DFFA: variants seen among roughly 807,000 people sequenced by gnomAD.
The protein encoded by DFFA is DFF45.
Under a neutral mutation model 28.0 loss-of-function variants are expected in DFFA, and 14 were observed. The observed-to-expected ratio is 0.50, with a 90% CI of 0.33 to 0.78. The LOEUF (loss-of-function observed/expected upper bound fraction) is 0.78. Among genes scored for constraint, DFFA ranks in the 30% least tolerant of loss-of-function variants. The pLI, the probability that DFFA is intolerant of heterozygous loss-of-function variation, is 0.02. For missense variants in DFFA, 395 were observed against 407.1 expected, an observed-to-expected ratio of 0.97 and a Z score of 0.26; for synonymous variants, 158 against 170.3, an observed-to-expected ratio of 0.93 and a Z score of 0.56.
chr1:10,465,226 C>A (rs1385838109), intron 3 of DFFA, among the ~76,000 whole-genome samples: 1 of 152,204 alleles, frequency 6.6e-6, no homozygotes, highest in Non-Finnish European at 1.5e-5. Flanking sequence ...TCCTGAGTAG[C>A]TGGGACTACA....
At chr1:10,465,729 C>G (rs1641013022) in intron 3 of DFFA, among the ~76,000 whole-genome samples, 2 of 152,064 alleles carry the variant, frequency 1.3e-5, no homozygotes. Flanking sequence ...CAGGGTCTTG[C>G]TTTGTTGCCC....
rs11121572 is a variant in DFFA at position 10,457,216 on chromosome 1, T to C, written c.*4274A>G. 46,766 of 152,192 alleles carry C rather than the reference T, an allele frequency of 0.31. 8,346 individuals carry two copies. Among genetic ancestry groups the C allele is most frequent in the South Asian group, 0.4 (1,936 of 4,812 alleles). The allele number at this position is 152,192 out of a possible 1,614,324, so 9.4% of individuals were successfully genotyped here. ...AGTGCAGTGGCACGATCACAGCTCA[T>C]TGTAGCCTCGAACTCCTGGGCTCAA... On this transcript the variant is annotated 3_prime_UTR_variant, in exon 6 of 6. Transcript: ENST00000377038.
intron 4 of DFFA, 105 bp downstream of exon 4, chr1:10,463,326 G>T: frequency 6.5e-7 from 1 of 1,544,920 alleles, no homozygotes. Flanking sequence ...CATCCCAGCA[G>T]CCGCGGCTTC....
Position 10,461,489 on chromosome 1 carries a change from G to A in DFFA, c.*1C>T. ...CTTCCTTGGCACACTTCCCGCTGCT[G>A]CTATGTGGGATCCTGTCTGGCTCGC... On this transcript the variant is annotated 3_prime_UTR_variant, in exon 6 of 6. Transcript: ENST00000377038. 6.2e-7 allele frequency: 1 copy of A among 1,613,332 alleles called. No individual in the cohort carries two copies. The highest frequency in any genetic ancestry group is 8.5e-7 in the Non-Finnish European group (1 of 1,179,626).
chr1:10,461,468 C>G lies in DFFA; in HGVS notation c.*22G>C. 1 of 1,606,930 alleles carries G rather than the reference C, an allele frequency of 6.2e-7. No homozygotes were observed. Among genetic ancestry groups the G allele is most frequent in the Non-Finnish European group, 8.5e-7 (1 of 1,176,276 alleles). Reference sequence around the variant, plus strand: ...CAATAACACAACGCCACAGAGCTTCCTTGGCACACTTCCCGCTGCTGCTAT... The same window carrying G: ...CAATAACACAACGCCACAGAGCTTCGTTGGCACACTTCCCGCTGCTGCTAT... On this transcript the variant is annotated 3_prime_UTR_variant, in exon 6 of 6. Transcript: ENST00000377038.
rs1436192143 is a variant in DFFA at position 10,472,307 on chromosome 1, G to A, written c.136+16C>T. ...CCCTGGCTCCCCCACACCCTCGCCCGGGGTCCCGAGCCAACCCTTGCTCCT... is the reference window on the plus strand; with the variant it reads ...CCCTGGCTCCCCCACACCCTCGCCCAGGGTCCCGAGCCAACCCTTGCTCCT... On this transcript the variant is annotated intron_variant, in intron 1 of 5. Transcript: ENST00000377038. The surrounding 1 kb of genome is among the most constrained non-coding windows in gnomAD (Gnocchi z 5.0). The A allele has an allele frequency of 9.6e-6, 15 of 1,563,132 alleles. No individual in the cohort carries two copies. The highest frequency in any genetic ancestry group is 9.6e-6 in the Non-Finnish European group (11 of 1,149,178).
chr1:10,470,426 T>C (rs909042882), intron 1 of DFFA, among the ~76,000 whole-genome samples: 5 of 146,310 alleles, frequency 3.4e-5, no homozygotes, highest in African/African-American at 1.0e-4. Context: ...TTTCCTCTTT[T>C]TTTTTTTTTT....
intron 3 of DFFA, among the ~76,000 whole-genome samples, chr1:10,465,171 C>T (rs550793775): frequency 3.3e-5 from 5 of 152,122 alleles, no homozygotes; most frequent in South Asian, 2.1e-4. Context: ...CTCGGCTCAC[C>T]GCAACCTCCG....
intron 3 of DFFA, among the ~76,000 whole-genome samples, chr1:10,465,767 C>G (rs993092253): frequency 1.3e-5 from 2 of 151,922 alleles, no homozygotes; most frequent in African/African-American, 4.8e-5. Context: ...TCATGGCTCA[C>G]TGAAGCCTTG....
In DFFA at chr1:10,472,274, TCACCCGGCCCTGGCTCCCCCA is replaced by T. The variant is rs1641109153; in HGVS notation, c.136+28_136+48del. The stretch of plus-strand genomic sequence containing the variant: ...CCCGCCTCGCCCCCGCCGGACGTCC[TCACCCGGCCCTGGCTCCCCCA>T]CACCCTCGCCCGGGGTCCCGAGCCA... On this transcript the variant is annotated intron_variant, in intron 1 of 5. Transcript: ENST00000377038. This position sits in a 1 kb window ranked among gnomAD's most constrained non-coding sequence, Gnocchi z 5.0. 6.6e-7 allele frequency: 1 copy of T among 1,511,984 alleles called. No homozygotes were observed. 93.7% of individuals were successfully genotyped at this position (1,511,984 alleles called of 1,614,324 possible). A position where few individuals can be genotyped will look rare whatever the true frequency, so the allele number is the denominator to read the frequency against.
Position 10,459,887 on chromosome 1 carries a change from A to AT in DFFA, c.*1602dup, listed in dbSNP as rs886407867. ...GTGCCACCATGCCTGGCTAACTTAA[A>AT]TTTTTTTTTTGTAGAGACAGGGTCT... On this transcript the variant is annotated 3_prime_UTR_variant, in exon 6 of 6. Coordinates refer to ENST00000377038, the MANE Select transcript of DFFA (RefSeq NM_004401.3). 6.7e-5 allele frequency: 10 copies of AT among 149,390 alleles called. No individual in the cohort carries two copies. Among genetic ancestry groups the AT allele is most frequent in the East Asian group, 2.0e-4 (1 of 5,084 alleles). The allele number at this position is 149,390 out of a possible 1,614,324, so 9.3% of individuals were successfully genotyped here.
rs944781398 is a variant in DFFA at position 10,469,409 on chromosome 1, G to C, written c.137-71C>G. 35 of 1,410,052 alleles carry C rather than the reference G, an allele frequency of 2.5e-5. No homozygotes were observed. In the Admixed American group the frequency reaches 6.5e-4, roughly 26 times the overall value. 87.3% of individuals were successfully genotyped at this position (1,410,052 alleles called of 1,614,324 possible). ...AATTACATCTATCCCTGCATCTCAA[G>C]TATGTATGGCTCCAGAGCTGAGCAG... is the stretch of plus-strand genomic sequence containing the variant. On this transcript the variant is annotated intron_variant, in intron 1 of 5. Coordinates refer to ENST00000377038, the MANE Select transcript of DFFA (RefSeq NM_004401.3).
intron 5 of DFFA, 55 bp downstream of exon 5, chr1:10,463,003 C>T: frequency 5.6e-6 from 9 of 1,609,730 alleles, no homozygotes; most frequent in Non-Finnish European, 6.8e-6. Context: ...CATGATACTA[C>T]TACATCCCAG....
chr1:10,467,102 G>A, intron 3 of DFFA, 88 bp downstream of exon 3: 2 of 1,437,984 alleles, frequency 1.4e-6, no homozygotes, highest in East Asian at 2.3e-5. Context: ...CAAAGAAATT[G>A]CTATGGCAAG....
At chr1:10,465,153 G>A (rs968831879) in intron 3 of DFFA, among the ~76,000 whole-genome samples, 1 of 152,138 alleles carries the variant, frequency 6.6e-6, no homozygotes, top group African/African-American at 2.4e-5. Context: ...GGAGTGCAAT[G>A]ACGTGATCTC....
At chr1:10,471,826 G>A (rs1010112017) in intron 1 of DFFA, among the ~76,000 whole-genome samples, 4 of 152,178 alleles carry the variant, frequency 2.6e-5, no homozygotes, top group Non-Finnish European at 5.9e-5. Flanking sequence ...TATGGGGCCG[G>A]GCTCGGAACT....
At chr1:10,469,377 G>A (rs749896782) in intron 1 of DFFA, 39 bp from the exon 2 acceptor site, 32 of 1,595,254 alleles carry the variant, frequency 2.0e-5, no homozygotes, top group Middle Eastern at 1.7e-4. Flanking sequence ...ACAAATAACC[G>A]TAAGGAAATT....
Position 10,463,098 on chromosome 1 carries a change from T to G in DFFA, c.743A>C (p.Lys248Thr), listed in dbSNP as rs1486984719. 6.2e-7 allele frequency: 1 copy of G among 1,614,136 alleles called. No individual in the cohort carries two copies. Among genetic ancestry groups the G allele is most frequent in the African/African-American group, 1.3e-5 (1 of 75,034 alleles). Residue 248 changes from lysine (K) to threonine (T), a missense_variant, in exon 5 of 6, where the codon AAG becomes ACG. Transcript: ENST00000377038. ...ASHILTALRE[K>T]QAPELSLSSQ... The stretch of plus-strand genomic sequence containing the variant: ...AGATAAGCTCAGCTCTGGAGCCTGC[T>G]TCTCCCTCAGTGCAGTAAGGATGTG...
intron 2 of DFFA, 111 bp downstream of exon 2, chr1:10,469,066 T>G: frequency 8.4e-6 from 10 of 1,183,806 alleles, no homozygotes; most frequent in Middle Eastern, 2.6e-4. Flanking sequence ...TAAATATCTG[T>G]TGAACAAATG....
Sources: allele counts gnomAD v4.1 joint callset (sites outside exome capture counted in the v4.1 genomes callset), GRCh38; gene constraint gnomAD v4.1.1; non-coding constraint Gnocchi (gnomAD v3.1); transcripts MANE v1.5; gene names NCBI Gene and HGNC (gene_info 2026-07-23, HGNC 2026-07-21).